CHRM2: variants seen among roughly 807,000 people sequenced by gnomAD.
The protein encoded by CHRM2 is cholinergic receptor muscarinic 2, also known as muscarinic acetylcholine receptor M2.
CHRM2 carries 8 observed loss-of-function variants against 25.0 expected under a neutral mutation model. The ratio of observed to expected loss-of-function variants is 0.32; its 90% CI spans 0.19 to 0.58. The LOEUF (loss-of-function observed/expected upper bound fraction) is 0.58, where lower values mean the gene tolerates loss of function less well. Ranked by LOEUF, CHRM2 falls within the 20% of genes least tolerant of loss-of-function variation. The probability of loss-of-function intolerance (pLI) is 0.88; values close to 1 mark genes in which losing one functional copy is unlikely to be tolerated. For synonymous variants in CHRM2, 202 were observed against 205.7 expected (o/e 0.98, Z 0.15); for missense variants, 440 against 567.1 (o/e 0.78, Z 2.28).
intron 2 of CHRM2, among the ~76,000 whole-genome samples, chr7:136,926,221 A>G (rs993327171): frequency 1.5e-4 from 23 of 152,198 alleles, no homozygotes; most frequent in African/African-American, 5.1e-4. Context: ...AAGACAGAGT[A>G]AGACCCTGTC....
intron 2 of CHRM2, among the ~76,000 whole-genome samples, chr7:136,895,927 G>C (rs1796878703): frequency 6.6e-6 from 1 of 152,064 alleles, no homozygotes; most frequent in South Asian, 2.1e-4. Context: ...TGCTGGATTG[G>C]GGAGACCTTC....
chr7:136,918,607 T>C (rs910409565), intron 2 of CHRM2, among the ~76,000 whole-genome samples: 1 of 152,048 alleles, frequency 6.6e-6, no homozygotes, highest in Non-Finnish European at 1.5e-5. Flanking sequence ...TTATTTATTT[T>C]ATTAGAGACA....
rs1296094612 is a variant in CHRM2 at position 136,950,105 on chromosome 7, C to G, written c.-124-42082C>G. 2.6e-5 allele frequency among the ~76,000 whole-genome samples: 4 copies of G among 152,112 alleles called. No homozygotes were observed. The East Asian group carries it at 7.7e-4, about 29-fold the overall frequency. ...CACTTGCATTTTTCTGACTAATAAT[C>G]TGATTACTAATTAAACTAAACATCT... On this transcript the variant is annotated intron_variant, in intron 2 of 3. Transcript: ENST00000680005.
chr7:136,941,733 C>T (rs904547953), intron 2 of CHRM2, among the ~76,000 whole-genome samples: 4 of 152,090 alleles, frequency 2.6e-5, no homozygotes, highest in African/African-American at 9.7e-5. Context: ...TTGCTTTTTG[C>T]TTTTGTTTTA....
At chr7:136,974,232 G>A (rs1056101781) in intron 2 of CHRM2, among the ~76,000 whole-genome samples, 6 of 152,018 alleles carry the variant, frequency 3.9e-5, no homozygotes, top group African/African-American at 1.5e-4. Context: ...TTTCCAGGTT[G>A]GTACAGTTTA....
chr7:136,922,340 C>T (rs375175012), intron 2 of CHRM2, among the ~76,000 whole-genome samples: 7 of 152,284 alleles, frequency 4.6e-5, no homozygotes, highest in South Asian at 2.1e-4. Flanking sequence ...CATGTAATAA[C>T]ATTTTTTTAA....
rs989130479 is a variant in CHRM2 at position 136,950,831 on chromosome 7, CGA to C, written c.-124-41347_-124-41346del. Among the ~76,000 whole-genome samples the C allele has an allele frequency of 5.3e-5, 7 of 132,982 alleles. No individual in the cohort carries two copies. In the South Asian group the frequency reaches 7.7e-4, roughly 15 times the overall value. The allele number at this position is 132,982 out of a possible 152,430, so 87.2% of individuals were successfully genotyped here. A position where few individuals can be genotyped will look rare whatever the true frequency, so the allele number is the denominator to read the frequency against. On this transcript the variant is annotated intron_variant, in intron 2 of 3. Transcript: ENST00000680005. The stretch of plus-strand genomic sequence containing the variant: ...GTTGTTGTTGTTGTTGTTGTTGTTT[CGA>C]GAGAGAGAATCTTGCTCTGTATCTC...
rs1468675974 is a variant in CHRM2 at position 136,990,034 on chromosome 7, T to C, written c.-124-2153T>C. Among the ~76,000 whole-genome samples, 5 of 152,266 alleles carry C rather than the reference T, an allele frequency of 3.3e-5. No homozygotes were observed. In the South Asian group the frequency reaches 8.3e-4, roughly 25 times the overall value. The stretch of plus-strand genomic sequence containing the variant: ...CTTGTTACATTTACTCAGATTATTC[T>C]CTGCTGCATCATCATGATCATATTT... On this transcript the variant is annotated intron_variant, in intron 2 of 3. Coordinates refer to ENST00000680005, the MANE Select transcript of CHRM2 (RefSeq NM_001006630.2).
chr7:137,000,911 C>G lies in CHRM2; in HGVS notation c.-47+8647C>G, dbSNP rs201473440. 3.3e-5 allele frequency among the ~76,000 whole-genome samples: 5 copies of G among 152,072 alleles called. No homozygotes were observed. The East Asian group carries it at 7.7e-4, about 23-fold the overall frequency. ...GTTTGAGTTTTATAACTCCATTGAG[C>G]CTTTAACCATTTAAGGGTTTGTTTT... On this transcript the variant is annotated intron_variant, in intron 3 of 3. Transcript: ENST00000680005.
intron 2 of CHRM2, among the ~76,000 whole-genome samples, chr7:136,927,032 T>C (rs975412725): frequency 1.5e-4 from 21 of 137,978 alleles, no homozygotes; most frequent in Non-Finnish European, 2.7e-4. Context: ...GCTAATAGTG[T>C]AACAGGACGT....
chr7:136,875,134 T>TAC (rs1229627307), intron 2 of CHRM2, among the ~76,000 whole-genome samples: 2 of 149,432 alleles, frequency 1.3e-5, no homozygotes, highest in African/African-American at 2.5e-5. Flanking sequence ...TACATATATA[T>TAC]ACACACACAT....
chr7:136,980,707 G>A (rs1393063179), intron 2 of CHRM2, among the ~76,000 whole-genome samples: 1 of 152,108 alleles, frequency 6.6e-6, no homozygotes, highest in Non-Finnish European at 1.5e-5. Flanking sequence ...TAATAATGTG[G>A]TTTTGTCATT....
intron 2 of CHRM2, chr7:136,907,817 G>A (rs947923365): frequency 7.9e-5 from 12 of 151,888 alleles, no homozygotes; most frequent in African/African-American, 2.7e-4. Context: ...AGGTGCCAAC[G>A]GAGATTCAAG....
At chr7:136,933,556 C>T (rs1473849515) in intron 2 of CHRM2, among the ~76,000 whole-genome samples, 1 of 152,136 alleles carries the variant, frequency 6.6e-6, no homozygotes, top group African/African-American at 2.4e-5. Flanking sequence ...GAGTCACCAA[C>T]ATGACTCAAC....
chr7:136,938,338 G>A (rs1563077732), intron 2 of CHRM2: 17 of 1,539,606 alleles, frequency 1.1e-5, no homozygotes, highest in South Asian at 7.8e-5. Flanking sequence ...GCTCCGAGTC[G>A]TCGTCTGCTG....
chr7:136,941,037 G>C (rs2130816410), intron 2 of CHRM2, among the ~76,000 whole-genome samples: 1 of 152,256 alleles, frequency 6.6e-6, no homozygotes, highest in Non-Finnish European at 1.5e-5. Flanking sequence ...TTCTAGAACA[G>C]GGTCCTAGTT....
chr7:136,933,930 G>A (rs1799263609), intron 2 of CHRM2, among the ~76,000 whole-genome samples: 1 of 152,028 alleles, frequency 6.6e-6, no homozygotes, highest in African/African-American at 2.4e-5. Context: ...TGCAAGTAAC[G>A]GCTAATGAGT....
intron 2 of CHRM2, among the ~76,000 whole-genome samples, chr7:136,969,703 A>G (rs1057234442): frequency 6.6e-6 from 1 of 151,916 alleles, no homozygotes; most frequent in Non-Finnish European, 1.5e-5. Flanking sequence ...AGGCCTCCTC[A>G]TTTTTCATAG....
At chr7:136,900,491 G>T (rs980814074) in intron 2 of CHRM2, among the ~76,000 whole-genome samples, 1 of 152,000 alleles carries the variant, frequency 6.6e-6, no homozygotes, top group Non-Finnish European at 1.5e-5. Context: ...GCTTACTTCA[G>T]TTTGGTTCTC....
Sources: gnomAD v4.1 joint callset for allele counts (sites outside exome capture counted in the v4.1 genomes callset) on GRCh38, gnomAD v4.1.1 for gene constraint, MANE v1.5 for transcripts, NCBI Gene and HGNC (gene_info 2026-07-23, HGNC 2026-07-21) for gene names.